Variants in WDFY4 observed in about 807,000 individuals in gnomAD.
WDFY4 encodes WD repeat- and FYVE domain-containing protein 4.
WDFY4 carries 169 observed loss-of-function variants against 351.9 expected under a neutral mutation model. That is an observed-to-expected ratio of 0.48 (90% CI 0.42 to 0.55). WDFY4 has a LOEUF of 0.55. Ranked by LOEUF, WDFY4 falls within the 20% of genes least tolerant of loss-of-function variation. The pLI is 0.00. For missense variants in WDFY4, 3,803 were observed against 3,935.6 expected (o/e 0.97, Z 0.90); for synonymous variants, 1,622 against 1,574.6 (o/e 1.03, Z -0.71).
At chr10:48,881,191 C>G (rs971043174) in intron 43 of WDFY4, among the ~76,000 whole-genome samples, 1 of 147,100 alleles carries the variant, frequency 6.8e-6, no homozygotes, top group Non-Finnish European at 1.5e-5. Flanking sequence ...CCTTTCATAG[C>G]CCCATAGGAT....
chr10:48,824,852 C>T (rs1043621668), intron 35 of WDFY4, among the ~76,000 whole-genome samples: 1 of 152,112 alleles, frequency 6.6e-6, no homozygotes, highest in Non-Finnish European at 1.5e-5. Context: ...TATGTTGCTG[C>T]CCAGACTGGT....
At position 48,743,062 on chromosome 10, in the gene WDFY4, A is replaced by G. The variant is rs1163064232; in HGVS notation, c.1973A>G (p.Glu658Gly). 6.4e-7 allele frequency: 1 copy of G among 1,551,574 alleles called. No homozygotes were observed. The highest frequency in any genetic ancestry group is 8.7e-7 in the Non-Finnish European group (1 of 1,146,970). ...CTGCTGTCTCTGCTCTCTGACCTGG[A>G]AGGCTCCCTCCAGGAGCCCCCGCTG... ...NGLLSLLSDL[E>G]GSLQEPPLQA... is the part of the protein sequence containing the mutation. The change falls in exon 12 of 62, where the codon GAA becomes GGA. Residue 658 changes from glutamate (E) to glycine (G), a missense_variant. Glu to Gly is a moderately conservative substitution (Grantham distance 98). Around this residue, in one of 3 missense-constraint regions of WDFY4, gnomAD observed 3,054 missense variants for 3,148.6 expected, o/e 0.97. Transcript: ENST00000325239.
chr10:48,899,477 T>TACCCC (rs1419925394), intron 45 of WDFY4, among the ~76,000 whole-genome samples: 3 of 152,078 alleles, frequency 2.0e-5, no homozygotes, highest in Admixed American at 6.5e-5. Flanking sequence ...GTCTGAATCT[T>TACCCC]ACCCCACCCC....
chr10:48,934,006 T>G (rs969709411), intron 47 of WDFY4, among the ~76,000 whole-genome samples: 4 of 151,966 alleles, frequency 2.6e-5, no homozygotes, highest in African/African-American at 9.7e-5. Flanking sequence ...CCCTGCAGGG[T>G]GGACAGCAGC....
At chr10:48,821,033 G>A in intron 33 of WDFY4, 29 bp from the exon 34 acceptor site, 1 of 1,504,054 alleles carries the variant, frequency 6.6e-7, no homozygotes, top group Non-Finnish European at 9.1e-7. Flanking sequence ...CCCTGTGGTT[G>A]CTGTCTCAGT....
Position 48,808,479 on chromosome 10 carries a change from C to T in WDFY4, c.4838+521C>T, listed in dbSNP as rs113981423. Among the ~76,000 whole-genome samples, 1,445 of 152,332 alleles carry T rather than the reference C, an allele frequency of 9.5e-3. 21 individuals carry two copies. The highest frequency in any genetic ancestry group is 0.032 in the African/African-American group (1,346 of 41,562). On this transcript the variant is annotated intron_variant, in intron 28 of 61. Transcript: ENST00000325239. ...TCCATTAACTCTCCCCACTGCCTGC[C>T]TGCTTTACCTCCAACCTTGGAGTCG... is the stretch of plus-strand genomic sequence containing the variant.
In WDFY4 at chr10:48,914,373, C is replaced by T. The variant is rs530273335; in HGVS notation, c.7586+12510C>T. ...GAAGTCAGGGCAAAGTGGACCCAGC[C>T]CAGCCATAGATTGTCAGCAAACTGT... On this transcript the variant is annotated intron_variant, in intron 47 of 61. Transcript: ENST00000325239. 2.2e-4 allele frequency: 124 copies of T among 566,260 alleles called. 2 individuals carry two copies. The highest frequency in any genetic ancestry group is 2.0e-3 in the African/African-American group (105 of 53,592). The allele number at this position is 566,260 out of a possible 1,614,324, so 35.1% of individuals were successfully genotyped here.
intron 39 of WDFY4, among the ~76,000 whole-genome samples, chr10:48,861,605 T>C (rs1170324923): frequency 2.6e-5 from 4 of 152,218 alleles, no homozygotes; most frequent in Non-Finnish European, 5.9e-5. Flanking sequence ...TGTTTCTCTC[T>C]TCCTGTGTTT....
intron 39 of WDFY4, among the ~76,000 whole-genome samples, chr10:48,838,079 G>A (rs1342046660): frequency 6.6e-6 from 1 of 152,242 alleles, no homozygotes; most frequent in Non-Finnish European, 1.5e-5. Context: ...GGCCCATGCA[G>A]GGAAGTCAGG....
At chr10:48,766,150 C>T (rs1342438129) in intron 13 of WDFY4, among the ~76,000 whole-genome samples, 2 of 152,206 alleles carry the variant, frequency 1.3e-5, no homozygotes, top group Non-Finnish European at 2.9e-5. Flanking sequence ...TAAATTATAA[C>T]ACATTGGACA....
chr10:48,797,566 C>T (rs544675659), intron 24 of WDFY4, among the ~76,000 whole-genome samples: 15 of 151,658 alleles, frequency 9.9e-5, no homozygotes, highest in Non-Finnish European at 2.2e-4. Flanking sequence ...CTAGTCTTTG[C>T]TCACATACCA....
At chr10:48,880,982 A>G (rs749817129) in intron 43 of WDFY4, among the ~76,000 whole-genome samples, 2 of 152,208 alleles carry the variant, frequency 1.3e-5, no homozygotes, top group Non-Finnish European at 1.5e-5. Context: ...GCCTCCACTT[A>G]CAGGCCTAGT....
chr10:48,712,115 A>C (rs1346563160), intron 2 of WDFY4, among the ~76,000 whole-genome samples: 3 of 152,224 alleles, frequency 2.0e-5, no homozygotes, highest in Non-Finnish European at 2.9e-5. Context: ...CTGTTGTTGA[A>C]CATGTGGGCT....
chr10:48,795,757 T>A (rs1284099952), intron 23 of WDFY4, among the ~76,000 whole-genome samples: 5 of 151,846 alleles, frequency 3.3e-5, no homozygotes, highest in Non-Finnish European at 7.4e-5. Flanking sequence ...CTGACTCGTG[T>A]GGGGCTGCAG....
chr10:48,866,331 T>A (rs2069542292), intron 39 of WDFY4, among the ~76,000 whole-genome samples: 1 of 152,234 alleles, frequency 6.6e-6, no homozygotes, highest in Admixed American at 6.5e-5. Context: ...ATTTCTTCTT[T>A]GACCCATTAG....
chr10:48,888,517 A>G (rs995329799), intron 43 of WDFY4, among the ~76,000 whole-genome samples: 1 of 151,950 alleles, frequency 6.6e-6, no homozygotes, highest in Non-Finnish European at 1.5e-5. Context: ...TTCTAATGCC[A>G]TCTCCACCCA....
intron 51 of WDFY4, among the ~76,000 whole-genome samples, chr10:48,947,846 C>A (rs1841127231): frequency 6.6e-6 from 1 of 152,188 alleles, no homozygotes; most frequent in African/African-American, 2.4e-5. Flanking sequence ...ATGGGCTGCC[C>A]TGATCCAGAC....
intron 12 of WDFY4, among the ~76,000 whole-genome samples, chr10:48,750,596 C>T (rs2065153211): frequency 6.6e-6 from 1 of 152,258 alleles, no homozygotes; most frequent in Non-Finnish European, 1.5e-5. Context: ...ATTTCCTCAG[C>T]ACCCTCAGCA....
intron 1 of WDFY4, among the ~76,000 whole-genome samples, chr10:48,691,365 G>A (rs967283282): frequency 2.6e-5 from 4 of 152,130 alleles, no homozygotes; most frequent in Admixed American, 1.3e-4. Flanking sequence ...CCCGAAGTGG[G>A]CACCACTCCC....
Sources: gnomAD v4.1 joint callset for allele counts (sites outside exome capture counted in the v4.1 genomes callset) on GRCh38, gnomAD v4.1.1 for gene constraint, gnomAD v4.1.1 regional missense constraint, MANE v1.5 for transcripts, NCBI Gene and HGNC (gene_info 2026-07-23, HGNC 2026-07-21) for gene names.